STRADA: variants seen among roughly 807,000 people sequenced by gnomAD.
STRADA encodes the protein STE20-related kinase adapter protein alpha.
In STRADA, 26 loss-of-function variants were observed where a neutral mutation model predicts 55.0. The observed-to-expected ratio is 0.47, with a 90% CI of 0.35 to 0.66. The LOEUF is 0.66. Among genes scored for constraint, STRADA ranks in the 30% least tolerant of loss-of-function variants. STRADA has a pLI of 0.01. For missense variants in STRADA, 443 were observed against 549.7 expected, an observed-to-expected ratio of 0.81 and a Z score of 1.94; for synonymous variants, 197 against 210.9, an observed-to-expected ratio of 0.93 and a Z score of 0.57.
At chr17:63,708,716 G>A (rs2036285329) in intron 8 of STRADA, among the ~76,000 whole-genome samples, 1 of 152,034 alleles carries the variant, frequency 6.6e-6, no homozygotes, top group Non-Finnish European at 1.5e-5. Context: ...TGTATGTTTA[G>A]TAGAGACAGG....
At chr17:63,730,518 C>T (rs2144201725) in intron 1 of STRADA, among the ~76,000 whole-genome samples, 1 of 151,994 alleles carries the variant, frequency 6.6e-6, no homozygotes, top group East Asian at 1.9e-4. Flanking sequence ...ACCTCAGCCT[C>T]CTGAGTAGCT....
intron 1 of STRADA, among the ~76,000 whole-genome samples, chr17:63,729,312 G>T (rs1362386414): frequency 1.3e-5 from 2 of 152,164 alleles, no homozygotes; most frequent in African/African-American, 2.4e-5. Flanking sequence ...CCCAGAGTCA[G>T]CCAGTTTTAA....
chr17:63,707,920 G>A (rs1006253186), intron 8 of STRADA, among the ~76,000 whole-genome samples: 6 of 145,640 alleles, frequency 4.1e-5, no homozygotes, highest in Admixed American at 1.4e-4. Flanking sequence ...TGTATTTTTA[G>A]TGGAGACAGG....
chr17:63,704,785 G>A, intron 10 of STRADA: 2 of 1,534,438 alleles, frequency 1.3e-6, no homozygotes, highest in East Asian at 2.4e-5. Flanking sequence ...CCCTAGCCAG[G>A]CCAACGTGAA....
intron 6 of STRADA, 88 bp downstream of exon 6, chr17:63,713,318 C>T (rs998317940): frequency 7.2e-6 from 11 of 1,537,724 alleles, no homozygotes. Flanking sequence ...AACGTTTAGT[C>T]TCCCTTCATT....
At position 63,723,308 on chromosome 17, in the gene STRADA, G is replaced by T; in HGVS notation, c.113C>A (p.Thr38Asn). Residue 38 changes from threonine to asparagine, a missense_variant, in exon 4 of 13, where the codon ACT becomes AAT. Transcript: ENST00000336174. ...ELFGEQPPGD[T>N]RRKTNDASSE... The stretch of plus-strand genomic sequence containing the variant: ...TAGGAAGCCACTTACTTTTCTCCGA[G>T]TGTCACCCGGAGGCTGCTCTGGGGT... 1.2e-6 allele frequency: 2 copies of T among 1,614,202 alleles called. No individual in the cohort carries two copies. Among genetic ancestry groups the T allele is most frequent in the Non-Finnish European group, 1.7e-6 (2 of 1,180,046 alleles).
intron 6 of STRADA, 110 bp downstream of exon 6, chr17:63,713,296 C>T (rs942629624): frequency 4.8e-6 from 7 of 1,454,428 alleles, no homozygotes; most frequent in African/African-American, 1.4e-5. Context: ...CTGAAAGCTT[C>T]CATAACTTCC....
chr17:63,710,892 C>A, intron 6 of STRADA, 56 bp from the exon 7 acceptor site: 1 of 1,483,498 alleles, frequency 6.7e-7, no homozygotes, highest in Non-Finnish European at 9.4e-7. Flanking sequence ...GGATGCCGCT[C>A]AACACAAAGA....
At chr17:63,739,743 AT>A in intron 1 of STRADA, among the ~76,000 whole-genome samples, 1 of 123,838 alleles carries the variant, frequency 8.1e-6, no homozygotes, top group Admixed American at 7.7e-5. Context: ...ATGTATACAT[AT>A]TGATACATTA....
intron 1 of STRADA, among the ~76,000 whole-genome samples, chr17:63,740,149 C>CACATACACATATATAT (rs1568234412): frequency 2.1e-5 from 1 of 46,792 alleles, no homozygotes; most frequent in Non-Finnish European, 4.0e-5. Context: ...TATATATATA[C>CACATACACATATATAT]ACACACACAC....
intron 1 of STRADA, among the ~76,000 whole-genome samples, chr17:63,734,974 A>G (rs1361919741): frequency 6.6e-6 from 1 of 152,198 alleles, no homozygotes; most frequent in East Asian, 1.9e-4. Context: ...CCTGACCAAC[A>G]GGGAGAAACC....
chr17:63,719,052 G>A (rs1444196896), intron 4 of STRADA: 2 of 152,202 alleles, frequency 1.3e-5, no homozygotes, highest in Non-Finnish European at 2.9e-5. Context: ...CTTAAAAAAT[G>A]AAAATGATTT....
chr17:63,703,995 G>T lies in STRADA; in HGVS notation c.1143+10C>A, dbSNP rs2035892927. ...CTAGAACCAGAACCAGAACGAAGGG[G>T]CTACGATACCTGCTTGAAGAAAGAG... is the stretch of plus-strand genomic sequence containing the variant. On this transcript the variant is annotated intron_variant, in intron 12 of 12. Coordinates refer to ENST00000336174, the MANE Select transcript of STRADA (RefSeq NM_001003787.4). The T allele has an allele frequency of 5.0e-6, 8 of 1,613,888 alleles. No individual in the cohort carries two copies. Among genetic ancestry groups the T allele is most frequent in the Non-Finnish European group, 6.8e-6 (8 of 1,179,956 alleles).
intron 1 of STRADA, among the ~76,000 whole-genome samples, chr17:63,740,147 TACACACACACACACACACACAC>T (rs57585655): frequency 3.0e-5 from 2 of 67,006 alleles, no homozygotes; most frequent in Admixed American, 1.6e-4. Context: ...TATATATATA[TACACACACACACACACACACAC>T]ACACACACAC....
At chr17:63,713,118 G>T (rs559747159) in intron 6 of STRADA, among the ~76,000 whole-genome samples, 7 of 152,246 alleles carry the variant, frequency 4.6e-5, no homozygotes, top group African/African-American at 1.4e-4. Flanking sequence ...AGATGGCCTG[G>T]GTTTGAATCC....
intron 1 of STRADA, chr17:63,741,093 T>C (rs1320675791): frequency 6.7e-6 from 1 of 150,028 alleles, no homozygotes; most frequent in African/African-American, 2.4e-5. Context: ...AGTTAAAGTA[T>C]GTTAGGATAC....
chr17:63,712,008 C>T (rs1425330215), intron 6 of STRADA, among the ~76,000 whole-genome samples: 1 of 152,032 alleles, frequency 6.6e-6, no homozygotes, highest in African/African-American at 2.4e-5. Context: ...GCTTCTGCTC[C>T]ATCCTCAGAC....
intron 2 of STRADA, 191 bp downstream of exon 2, chr17:63,728,141 TTG>T (rs1598242999): frequency 1.9e-6 from 1 of 526,580 alleles, no homozygotes; most frequent in East Asian, 3.2e-5. Context: ...GTGGTAAATT[TTG>T]TGTCTCTGGT....
chr17:63,721,434 C>A (rs1176312764), intron 4 of STRADA, among the ~76,000 whole-genome samples: 4 of 141,120 alleles, frequency 2.8e-5, no homozygotes, highest in Non-Finnish European at 6.1e-5. Flanking sequence ...AAAAAAAGTT[C>A]TTGACTGGGC....
Sources: allele counts gnomAD v4.1 joint callset (sites outside exome capture counted in the v4.1 genomes callset), GRCh38; gene constraint gnomAD v4.1.1; transcripts MANE v1.5; gene names NCBI Gene and HGNC (gene_info 2026-07-23, HGNC 2026-07-21).